The following EIF4ENIF1 variants were observed in gnomAD, a reference collection of about 807,000 sequenced individuals.
The protein encoded by EIF4ENIF1 is eukaryotic translation initiation factor 4E nuclear import factor 1.
A neutral mutation model predicts 110.5 loss-of-function variants in EIF4ENIF1; 23 were observed. That is an observed-to-expected ratio of 0.21 (90% CI 0.15 to 0.29). The LOEUF (loss-of-function observed/expected upper bound fraction) is 0.29, where lower values mean the gene tolerates loss of function less well. Ranked by LOEUF, EIF4ENIF1 falls within the 10% of genes least tolerant of loss-of-function variation. EIF4ENIF1 has a pLI of 1.00. For synonymous variants in EIF4ENIF1, 440 were observed against 437.0 expected (o/e 1.01, Z -0.09); for missense variants, 1,031 against 1,221.1 (o/e 0.84, Z 2.32).
At chr22:31,454,456 A>G in intron 9 of EIF4ENIF1, 80 bp from the exon 10 acceptor site, 1 of 1,179,522 alleles carries the variant, frequency 8.5e-7, no homozygotes, top group East Asian at 2.5e-5. Flanking sequence ...ATGACAGATA[A>G]GATGAAAATA....
At chr22:31,447,184 A>G (rs2050504064) in intron 14 of EIF4ENIF1, among the ~76,000 whole-genome samples, 1 of 152,222 alleles carries the variant, frequency 6.6e-6, no homozygotes, top group Non-Finnish European at 1.5e-5. Flanking sequence ...AAAAAAAGTA[A>G]TTTATAAATC....
At chr22:31,492,888 C>T (rs1042750660), upstream of EIF4ENIF1, among the ~76,000 whole-genome samples, 7 of 152,096 alleles carry the variant, frequency 4.6e-5, no homozygotes, top group Middle Eastern at 3.2e-3. Context: ...CATGCCACCA[C>T]GCCCAGCTAA....
At chr22:31,487,944 G>A in intron 2 of EIF4ENIF1, among the ~76,000 whole-genome samples, 1 of 152,012 alleles carries the variant, frequency 6.6e-6, no homozygotes, top group African/African-American at 2.4e-5. Context: ...ACATTTCAGG[G>A]ACCCAGAAAT....
intron 16 of EIF4ENIF1, among the ~76,000 whole-genome samples, 187 bp from the exon 17 acceptor site, chr22:31,442,305 C>T (rs1173851938): frequency 6.6e-6 from 1 of 152,176 alleles, no homozygotes; most frequent in Non-Finnish European, 1.5e-5. Flanking sequence ...AATTGTTGGG[C>T]ACCCTTCTCT....
At chr22:31,457,705 T>G (rs1295185440) in intron 7 of EIF4ENIF1, among the ~76,000 whole-genome samples, 1 of 152,220 alleles carries the variant, frequency 6.6e-6, no homozygotes, top group Non-Finnish European at 1.5e-5. Flanking sequence ...TTGAAGGGAT[T>G]TTAATTCAAG....
intron 10 of EIF4ENIF1, among the ~76,000 whole-genome samples, chr22:31,452,075 C>G (rs779784050): frequency 4.6e-5 from 7 of 152,210 alleles, no homozygotes; most frequent in Non-Finnish European, 8.8e-5. Flanking sequence ...CAACTTTATA[C>G]TGCATGGCTT....
rs773055499 is a variant in EIF4ENIF1, at chr22:31,488,650, G to A, written c.69C>T (p.Ala23=). The change falls in exon 2 of 19, where the codon GCC becomes GCT. Residue 23 remains alanine, a synonymous_variant. Coordinates refer to ENST00000330125, the MANE Select transcript of EIF4ENIF1 (RefSeq NM_019843.4). ...DAFLDLKKPP[A]SKCPHRYTKE... ...TTGTATAGCGATGGGGGCATTTGGA[G>A]GCAGGAGGCTTCTTCAGGTCAAGGA... The A allele has an allele frequency of 1.7e-5, 27 of 1,613,906 alleles. No homozygotes were observed. Among genetic ancestry groups the A allele is most frequent in the Non-Finnish European group, 1.9e-5 (23 of 1,180,024 alleles).
intron 7 of EIF4ENIF1, among the ~76,000 whole-genome samples, chr22:31,456,521 T>C (rs1176172102): frequency 6.8e-6 from 1 of 147,184 alleles, no homozygotes; most frequent in East Asian, 2.0e-4. Flanking sequence ...CCACACCCGG[T>C]CTACTATTTT....
intron 14 of EIF4ENIF1, chr22:31,446,875 A>T (rs2050495823): frequency 3.5e-6 from 1 of 286,702 alleles, no homozygotes; most frequent in Admixed American, 5.0e-5. Flanking sequence ...CATTTGTTGC[A>T]ACTATCGAAA....
At chr22:31,454,078 T>C (rs557155848) in intron 10 of EIF4ENIF1, 66 bp downstream of exon 10, 5 of 1,434,620 alleles carry the variant, frequency 3.5e-6, no homozygotes, top group African/African-American at 1.4e-5. Context: ...AAAATCCTTT[T>C]ATTGTGGTGG....
upstream of EIF4ENIF1, among the ~76,000 whole-genome samples, chr22:31,491,165 T>C (rs1470507856): frequency 6.6e-6 from 1 of 152,162 alleles, no homozygotes; most frequent in Non-Finnish European, 1.5e-5. Flanking sequence ...GAAGATGATA[T>C]AACCTGCTCA....
intron 2 of EIF4ENIF1, among the ~76,000 whole-genome samples, chr22:31,488,350 G>A (rs544162090): frequency 6.6e-6 from 1 of 152,110 alleles, no homozygotes; most frequent in Non-Finnish European, 1.5e-5. Flanking sequence ...AGCTGTTACA[G>A]AACTTACAAA....
At chr22:31,446,748 TG>T (rs1387722839) in intron 14 of EIF4ENIF1, among the ~76,000 whole-genome samples, 2 of 152,242 alleles carry the variant, frequency 1.3e-5, no homozygotes, top group Non-Finnish European at 2.9e-5. Context: ...CAAGGAAGTT[TG>T]CCTTATAATA....
At chr22:31,472,645 C>T (rs2051423537) in intron 2 of EIF4ENIF1, among the ~76,000 whole-genome samples, 1 of 152,104 alleles carries the variant, frequency 6.6e-6, no homozygotes, top group Admixed American at 6.5e-5. Context: ...TACCTATTAA[C>T]ATTTCTCCCT....
intron 2 of EIF4ENIF1, among the ~76,000 whole-genome samples, chr22:31,487,075 A>G (rs939272011): frequency 6.6e-6 from 1 of 152,192 alleles, no homozygotes; most frequent in Non-Finnish European, 1.5e-5. Context: ...CATCTCAAAA[A>G]AAAAAAAGTA....
At chr22:31,450,642 G>A (rs1288234107) in intron 10 of EIF4ENIF1, 15 of 315,454 alleles carry the variant, frequency 4.8e-5, no homozygotes, top group Non-Finnish European at 7.9e-5. Flanking sequence ...GACCAAAAGG[G>A]GGAAAAATGG....
chr22:31,458,498 C>T lies in EIF4ENIF1; in HGVS notation c.940G>A (p.Asp314Asn). The change falls in exon 7 of 19, where the codon GAT (aspartate) becomes AAT (asparagine). Residue 314 changes from aspartate to asparagine, a missense_variant. This residue lies in a region of EIF4ENIF1 where 704 missense variants were observed against 879.7 expected (regional missense o/e 0.80). Transcript: ENST00000330125. Reference protein sequence around the residue: ...DFDFNEFFNLDKVPCLASMIE... With the variant: ...DFDFNEFFNLNKVPCLASMIE... ...ACCGAAGCCAAGCATGGCACCTTAT[C>T]AAGGTTAAAGAACTCATTAAAGTCA... The T allele has an allele frequency of 2.5e-6, 4 of 1,600,640 alleles. No homozygotes were observed. Among genetic ancestry groups the T allele is most frequent in the Non-Finnish European group, 3.4e-6 (4 of 1,170,322 alleles).
At chr22:31,491,419 C>A (rs1168848713), upstream of EIF4ENIF1, among the ~76,000 whole-genome samples, 2 of 152,164 alleles carry the variant, frequency 1.3e-5, no homozygotes, top group East Asian at 3.8e-4. Flanking sequence ...TTTGAAGCTG[C>A]TAAATCCTGA....
chr22:31,454,386 T>G lies in EIF4ENIF1; in HGVS notation c.1280-10A>C. On this transcript the variant is annotated splice_polypyrimidine_tract_variant and intron_variant, in intron 9 of 18. Transcript: ENST00000330125. ...ACAACCCCTGAATGTGCTGAGAAGT[T>G]GAGAACGTCCAGGTTAAATCAAGCA... 2 of 1,612,390 alleles carry G rather than the reference T, an allele frequency of 1.2e-6. No homozygotes were observed. The highest frequency in any genetic ancestry group is 1.7e-5 in the Admixed American group (1 of 59,958).
Sources: allele counts gnomAD v4.1 joint callset (sites outside exome capture counted in the v4.1 genomes callset), GRCh38; gene constraint gnomAD v4.1.1; regional missense constraint gnomAD v4.1.1; transcripts MANE v1.5; gene names NCBI Gene and HGNC (gene_info 2026-07-23, HGNC 2026-07-21).